MYT1L: variants seen among roughly 807,000 people sequenced by gnomAD.
MYT1L encodes myelin transcription factor 1 like, also known as myelin transcription factor 1-like protein.
MYT1L carries 12 observed loss-of-function variants against 126.7 expected under a neutral mutation model. The observed-to-expected ratio is 0.09, with a 90% confidence interval of 0.06 to 0.15. The LOEUF (loss-of-function observed/expected upper bound fraction) is 0.15. Ranked by LOEUF, MYT1L falls within the 10% of genes least tolerant of loss-of-function variation. The pLI is 1.00. For missense variants in MYT1L, 979 were observed against 1,585.2 expected (o/e 0.62, Z 6.49); for synonymous variants, 541 against 604.2 (o/e 0.90, Z 1.53).
At chr2:2,151,448 T>G (rs1031346530) in intron 3 of MYT1L, among the ~76,000 whole-genome samples, 1 of 151,756 alleles carries the variant, frequency 6.6e-6, no homozygotes, top group Non-Finnish European at 1.5e-5. Flanking sequence ...CCATGTGGCA[T>G]GTTCACAGAC....
At chr2:1,892,367 C>G in intron 14 of MYT1L, 80 bp from the exon 15 acceptor site, 1 of 1,490,654 alleles carries the variant, frequency 6.7e-7, no homozygotes, top group South Asian at 1.3e-5. Context: ...GCCTGCCCGC[C>G]CCGGCCTCAG....
At chr2:2,042,142 G>T (rs1017279275) in intron 4 of MYT1L, among the ~76,000 whole-genome samples, 4 of 152,190 alleles carry the variant, frequency 2.6e-5, no homozygotes, top group African/African-American at 9.7e-5. Context: ...GCAATCCTGA[G>T]GATGAACCCC....
At chr2:1,955,406 GC>G (rs2058258788) in intron 8 of MYT1L, among the ~76,000 whole-genome samples, 1 of 152,036 alleles carries the variant, frequency 6.6e-6, no homozygotes, top group African/African-American at 2.4e-5. Context: ...TTATGATCAT[GC>G]CTACAATCAC....
rs1310066387 is a variant in MYT1L, at chr2:1,879,672, T to C, written c.2711+6867A>G. Among the ~76,000 whole-genome samples, 4 of 152,114 alleles carry C rather than the reference T, an allele frequency of 2.6e-5. No individual in the cohort carries two copies. In the East Asian group the frequency reaches 7.7e-4, roughly 29 times the overall value. On this transcript the variant is annotated intron_variant, in intron 18 of 24. Transcript: ENST00000647738. ...TTTAGTAATATATGTGTATATATAT[T>C]TTAAATAACTTTAAAACTTCAGTAC... is the stretch of plus-strand genomic sequence containing the variant.
At position 2,263,922 on chromosome 2, in the gene MYT1L, C is replaced by T. The variant is rs192752508; in HGVS notation, c.-421+20482G>A. On this transcript the variant is annotated intron_variant, in intron 2 of 24. Transcript: ENST00000647738. ...AAAAAATTGGGGTAACAAATCTGCA[C>T]ATTGTGCACATGTACCTAGAACTCA... Among the ~76,000 whole-genome samples the T allele has an allele frequency of 4.2e-3, 636 of 152,286 alleles. 17 individuals carry two copies. Among genetic ancestry groups the T allele is most frequent in the Non-Finnish European group, 2.7e-3 (182 of 68,032 alleles).
At chr2:2,329,014 G>T (rs1360768316) in intron 1 of MYT1L, among the ~76,000 whole-genome samples, 2 of 152,194 alleles carry the variant, frequency 1.3e-5, no homozygotes, top group Non-Finnish European at 2.9e-5. Flanking sequence ...CTAGGAGGAA[G>T]TCAGTCACTG....
rs1021200700 is a variant in MYT1L, at chr2:1,812,511, C to T, written c.3081-3344G>A. ...GAGGCCCAGGGTGAGTGTGAGTGCA[C>T]CCAGGCTCTGGAAGGTGCAGACTGA... On this transcript the variant is annotated intron_variant, in intron 21 of 24. Transcript: ENST00000647738. Among the ~76,000 whole-genome samples the T allele has an allele frequency of 7.2e-5, 11 of 152,106 alleles. 1 individual carries two copies. Among genetic ancestry groups the T allele is most frequent in the African/African-American group, 2.7e-4 (11 of 41,400 alleles).
intron 8 of MYT1L, among the ~76,000 whole-genome samples, chr2:1,952,808 C>A (rs1239167873): frequency 1.2e-5 from 1 of 85,918 alleles, no homozygotes; most frequent in East Asian, 4.4e-4. Flanking sequence ...TCTCTCCCTC[C>A]CTCCCTTCCT....
At chr2:1,800,614 C>T (rs1002456812) in intron 23 of MYT1L, among the ~76,000 whole-genome samples, 10 of 152,314 alleles carry the variant, frequency 6.6e-5, no homozygotes, top group African/African-American at 1.9e-4. Flanking sequence ...GGGTAGAAAC[C>T]ACCTGTTGAG....
chr2:1,895,486 G>C lies in MYT1L; in HGVS notation c.2033-3199C>G, dbSNP rs1255250687. On this transcript the variant is annotated intron_variant, in intron 14 of 24. Transcript: ENST00000647738. ...CGATAAGGCTACAGTAACCAAAATA[G>C]CTTGGTACTGGTGTAAAAGCAGACA... 2.0e-5 allele frequency among the ~76,000 whole-genome samples: 3 copies of C among 152,194 alleles called. No homozygotes were observed. The East Asian group carries it at 5.8e-4, about 29-fold the overall frequency.
At chr2:1,831,167 T>C (rs1191021763) in intron 21 of MYT1L, among the ~76,000 whole-genome samples, 14 of 144,368 alleles carry the variant, frequency 9.7e-5, no homozygotes, top group Non-Finnish European at 2.2e-4. Context: ...TCCCATGAAG[T>C]CCTTGTCCAG....
intron 3 of MYT1L, among the ~76,000 whole-genome samples, chr2:2,152,906 G>T (rs146317688): frequency 1.3e-5 from 2 of 152,276 alleles, no homozygotes; most frequent in East Asian, 1.9e-4. Flanking sequence ...TTTGGGAAAT[G>T]ATTTCAGAAG....
At chr2:2,311,647 C>G (rs1207717110) in intron 1 of MYT1L, among the ~76,000 whole-genome samples, 1 of 152,168 alleles carries the variant, frequency 6.6e-6, no homozygotes, top group Non-Finnish European at 1.5e-5. Context: ...GGTCCTCCCC[C>G]CATCTCTCTT....
At chr2:2,087,500 G>A (rs2076476222) in intron 3 of MYT1L, among the ~76,000 whole-genome samples, 1 of 152,184 alleles carries the variant, frequency 6.6e-6, no homozygotes, top group Admixed American at 6.5e-5. Context: ...ATGCTGCTGA[G>A]GGGATCACAC....
intron 1 of MYT1L, among the ~76,000 whole-genome samples, chr2:2,297,036 C>A (rs1420163960): frequency 6.6e-6 from 1 of 152,180 alleles, no homozygotes; most frequent in Non-Finnish European, 1.5e-5. Flanking sequence ...CACCTGCCTT[C>A]CCAGGTTTCT....
intron 4 of MYT1L, among the ~76,000 whole-genome samples, chr2:2,005,451 C>T (rs111324479): frequency 1.6e-4 from 22 of 140,164 alleles, no homozygotes; most frequent in African/African-American, 3.0e-4. Flanking sequence ...TTCCTGCATG[C>T]GTTCTTTCCT....
At chr2:1,850,039 G>GGC (rs1553428302) in intron 19 of MYT1L, among the ~76,000 whole-genome samples, 1 of 150,536 alleles carries the variant, frequency 6.6e-6, no homozygotes, top group Non-Finnish European at 1.5e-5. Context: ...GGTGAGGGGG[G>GGC]GGCCATTATC....
chr2:2,022,378 G>T (rs1255152998), intron 4 of MYT1L, among the ~76,000 whole-genome samples: 1 of 152,130 alleles, frequency 6.6e-6, no homozygotes, highest in African/African-American at 2.4e-5. Context: ...AAATTTAAAT[G>T]CCCTTATTTT....
intron 3 of MYT1L, among the ~76,000 whole-genome samples, chr2:2,141,382 A>C (rs771491033): frequency 1.7e-4 from 26 of 152,190 alleles, no homozygotes; most frequent in Non-Finnish European, 3.1e-4. Flanking sequence ...ACATTTCATA[A>C]GACTTTTAGG....
Sources: allele counts gnomAD v4.1 joint callset (sites outside exome capture counted in the v4.1 genomes callset), GRCh38; gene constraint gnomAD v4.1.1; transcripts MANE v1.5; gene names NCBI Gene and HGNC (gene_info 2026-07-23, HGNC 2026-07-21).